NUP153: variants seen among roughly 807,000 people sequenced by gnomAD.
NUP153 encodes nucleoporin 153, also known as nuclear pore complex protein Nup153.
In NUP153, 27 loss-of-function variants were observed where a neutral mutation model predicts 134.6. That is an observed-to-expected ratio of 0.20 (90% CI 0.15 to 0.28). The LOEUF (loss-of-function observed/expected upper bound fraction) is 0.28, where lower values mean the gene tolerates loss of function less well. Ranked by LOEUF, NUP153 falls within the 10% of genes least tolerant of loss-of-function variation. The pLI is 1.00. For synonymous variants in NUP153, 640 were observed against 623.5 expected, an observed-to-expected ratio of 1.03 and a Z score of -0.40; for missense variants, 1,821 against 1,731.3, an observed-to-expected ratio of 1.05 and a Z score of -0.92.
chr6:17,644,825 C>T (rs1029106317), intron 14 of NUP153, among the ~76,000 whole-genome samples: 1 of 151,940 alleles, frequency 6.6e-6, no homozygotes, highest in African/African-American at 2.4e-5. Flanking sequence ...GTGGTTCACG[C>T]CTGTAATCCC....
chr6:17,696,218 A>T (rs544951235), intron 1 of NUP153, among the ~76,000 whole-genome samples: 1 of 152,282 alleles, frequency 6.6e-6, no homozygotes, highest in African/African-American at 2.4e-5. Context: ...GCAGTTTTTT[A>T]AAAGAGTTTT....
chr6:17,648,707 G>A (rs1766344535), intron 12 of NUP153, among the ~76,000 whole-genome samples: 1 of 152,100 alleles, frequency 6.6e-6, no homozygotes, highest in Non-Finnish European at 1.5e-5. Context: ...GGAGGCTGAG[G>A]TGGGAGGATC....
rs1302860255 is a variant in NUP153 at position 17,706,176 on chromosome 6, C to T, written c.111+101G>A. The T allele has an allele frequency of 1.0e-6, 1 of 954,652 alleles. No homozygotes were observed. Among genetic ancestry groups the T allele is most frequent in the East Asian group, 2.6e-5 (1 of 39,038 alleles). 59.1% of individuals were successfully genotyped at this position (954,652 alleles called of 1,614,324 possible). On this transcript the variant is annotated intron_variant, in intron 1 of 21. Coordinates refer to ENST00000262077, the MANE Select transcript of NUP153 (RefSeq NM_005124.4). This position sits in a 1 kb window ranked among gnomAD's most constrained non-coding sequence, Gnocchi z 5.9. ...CCTCACTCGGGCCTTTCCTCAGGCC[C>T]TCCTGTCTGCTCCACGTGGGGCGCC...
intron 16 of NUP153, among the ~76,000 whole-genome samples, chr6:17,636,698 G>A (rs1282486978): frequency 6.6e-6 from 1 of 152,202 alleles, no homozygotes; most frequent in Non-Finnish European, 1.5e-5. Flanking sequence ...TAGAATTAGT[G>A]ATTTGGTAAT....
chr6:17,696,979 G>A (rs946740764), intron 1 of NUP153, among the ~76,000 whole-genome samples: 34 of 151,444 alleles, frequency 2.2e-4, no homozygotes, highest in South Asian at 1.7e-3. Flanking sequence ...GCTGAGGCAG[G>A]AGAATCACTT....
At chr6:17,624,881 A>T in intron 19 of NUP153, 48 bp from the exon 20 acceptor site, 1 of 1,480,786 alleles carries the variant, frequency 6.8e-7, no homozygotes, top group African/African-American at 1.4e-5. Flanking sequence ...CTAATGTCAG[A>T]TTATCCTCAA....
At chr6:17,643,863 G>A (rs955825930) in intron 14 of NUP153, among the ~76,000 whole-genome samples, 4 of 152,134 alleles carry the variant, frequency 2.6e-5, no homozygotes, top group Admixed American at 6.5e-5. Context: ...GTTATCATTA[G>A]TAAAGCATTA....
Position 17,616,574 on chromosome 6 carries a change from G to A in NUP153, c.4296C>T (p.Gly1432=). Reference sequence around the variant, plus strand: ...ACTGGTTAAATGGAAAGCCCCCCGAGCCTGAAGGCTGGGCTGAGGCTGCAG... The same window carrying A: ...ACTGGTTAAATGGAAAGCCCCCCGAACCTGAAGGCTGGGCTGAGGCTGCAG... ...STPAASAQPS[G]SGGFPFNQSP... Residue 1432 remains glycine (G), a synonymous_variant, in exon 21 of 22, where the codon GGC becomes GGT. Transcript: ENST00000262077. 6.2e-7 allele frequency: 1 copy of A among 1,614,162 alleles called. No individual in the cohort carries two copies. The highest frequency in any genetic ancestry group is 8.5e-7 in the Non-Finnish European group (1 of 1,180,014).
At chr6:17,626,330 T>C (rs903305604) in intron 18 of NUP153, among the ~76,000 whole-genome samples, 166 bp from the exon 19 acceptor site, 10 of 152,348 alleles carry the variant, frequency 6.6e-5, no homozygotes, top group African/African-American at 1.9e-4. Flanking sequence ...ATATTAGATT[T>C]TGACAAAGTC....
Position 17,702,980 on chromosome 6 carries a change from C to T in NUP153, c.111+3297G>A, listed in dbSNP as rs145353495. Among the ~76,000 whole-genome samples the T allele has an allele frequency of 7.9e-3, 1,204 of 151,690 alleles. 17 individuals are homozygous for T. Among genetic ancestry groups the T allele is most frequent in the African/African-American group, 0.028 (1,165 of 41,362 alleles). Reference sequence around the variant, plus strand: ...TTTTGGGAGGCTGTGGCGGGTGGATCACCTGAGGTCAGGAGTTTGAGACCA... The same window carrying T: ...TTTTGGGAGGCTGTGGCGGGTGGATTACCTGAGGTCAGGAGTTTGAGACCA... On this transcript the variant is annotated intron_variant, in intron 1 of 21. Transcript: ENST00000262077.
At chr6:17,627,820 A>G (rs1765020587) in intron 18 of NUP153, among the ~76,000 whole-genome samples, 1 of 152,138 alleles carries the variant, frequency 6.6e-6, no homozygotes, top group South Asian at 2.1e-4. Context: ...TTCTCTCTGA[A>G]AGCATTTGGG....
intron 12 of NUP153, among the ~76,000 whole-genome samples, chr6:17,648,958 T>C (rs540278960): frequency 6.6e-6 from 1 of 152,354 alleles, no homozygotes; most frequent in South Asian, 2.1e-4. Context: ...TGGTATTGCA[T>C]AAGAGTTGAG....
intron 18 of NUP153, among the ~76,000 whole-genome samples, chr6:17,626,617 A>C (rs934228691): frequency 6.6e-6 from 1 of 152,218 alleles, no homozygotes; most frequent in African/African-American, 2.4e-5. Flanking sequence ...ACTAATTTGC[A>C]ATGCTGTCTT....
intron 20 of NUP153, among the ~76,000 whole-genome samples, chr6:17,623,280 G>C (rs1176674369): frequency 3.4e-5 from 5 of 146,312 alleles, no homozygotes; most frequent in Middle Eastern, 3.9e-3. Context: ...ATGTACATTA[G>C]CTGACAAAGT....
Position 17,673,747 on chromosome 6 carries a change from T to G in NUP153, c.852+1158A>C, listed in dbSNP as rs147596923. Among the ~76,000 whole-genome samples, 108 of 152,316 alleles carry G rather than the reference T, an allele frequency of 7.1e-4. 2 individuals are homozygous for G. The East Asian group carries it at 0.02, about 29-fold the overall frequency. On this transcript the variant is annotated intron_variant, in intron 5 of 21. Transcript: ENST00000262077. Reference sequence around the variant, plus strand: ...CAAGGATGAACAGCAACTCTTATATTACCAGTCAGAATGAAACCTGGTACC... The same window carrying G: ...CAAGGATGAACAGCAACTCTTATATGACCAGTCAGAATGAAACCTGGTACC...
rs1765588739 is a variant in NUP153 at position 17,637,161 on chromosome 6, T to G, written c.2456A>C (p.Glu819Ala). The G allele has an allele frequency of 6.2e-7, 1 of 1,600,154 alleles. No individual in the cohort carries two copies. The highest frequency in any genetic ancestry group is 1.3e-5 in the African/African-American group (1 of 74,542). ...TAAAGCCAAAAACATACCTGGTTTC[T>G]CAGACATACAGGACACACACTTATT... Reference protein sequence around the residue: ...EDNKCVSCMSEKPGSSVPASS... With the variant: ...EDNKCVSCMSAKPGSSVPASS... The change falls in exon 16 of 22, where the codon GAG (glutamate) becomes GCG (alanine). Residue 819 changes from glutamate (E) to alanine (A), a missense_variant. Glu to Ala is a moderately radical substitution (Grantham distance 107). Coordinates refer to ENST00000262077, the MANE Select transcript of NUP153 (RefSeq NM_005124.4).
chr6:17,682,938 A>AC (rs978748618), intron 2 of NUP153, among the ~76,000 whole-genome samples: 2 of 151,688 alleles, frequency 1.3e-5, no homozygotes, highest in Admixed American at 6.6e-5. Flanking sequence ...AAAAAAAAAA[A>AC]AAAACACTTT....
intron 1 of NUP153, among the ~76,000 whole-genome samples, chr6:17,698,673 G>A (rs1402234254): frequency 6.6e-6 from 1 of 150,546 alleles, no homozygotes; most frequent in Admixed American, 6.6e-5. Flanking sequence ...GGGAGGCAGA[G>A]CTTGCAGTGA....
At chr6:17,691,334 T>C (rs1247346744) in intron 1 of NUP153, among the ~76,000 whole-genome samples, 2 of 152,204 alleles carry the variant, frequency 1.3e-5, no homozygotes, top group Non-Finnish European at 2.9e-5. Context: ...TATTACACAG[T>C]ATTAGTTACT....
Sources: allele counts gnomAD v4.1 joint callset (sites outside exome capture counted in the v4.1 genomes callset), GRCh38; gene constraint gnomAD v4.1.1; non-coding constraint Gnocchi (gnomAD v3.1); transcripts MANE v1.5; gene names NCBI Gene and HGNC (gene_info 2026-07-23, HGNC 2026-07-21).